Variants in UBE2W observed in about 807,000 individuals in gnomAD.
UBE2W encodes ubiquitin conjugating enzyme E2 W, also known as ubiquitin-conjugating enzyme E2 W.
A neutral mutation model predicts 27.2 loss-of-function variants in UBE2W; 18 were observed. That is an observed-to-expected ratio of 0.66 (90% CI 0.46 to 0.98). The LOEUF is 0.98. UBE2W is among the 50% of genes least tolerant of loss of function. The probability of loss-of-function intolerance (pLI) is 0.00; values close to 1 mark genes in which losing one functional copy is unlikely to be tolerated. For missense variants in UBE2W, 90 were observed against 180.2 expected (o/e 0.50, Z 2.87); for synonymous variants, 53 against 57.2 (o/e 0.93, Z 0.33).
intron 1 of UBE2W, among the ~76,000 whole-genome samples, chr8:73,851,449 C>G (rs1811076692): frequency 6.6e-6 from 1 of 152,078 alleles, no homozygotes; most frequent in Admixed American, 6.6e-5. Flanking sequence ...GGTGTTACTA[C>G]TCTACACAGG....
rs564423053 is a variant in UBE2W, at chr8:73,836,046, T to A, written c.16-5574A>T. On this transcript the variant is annotated intron_variant, in intron 1 of 5. Transcript: ENST00000602593. ...ATTCCTGACCCTCGGAACTGTGAAA[T>A]AACATTTGTTGTTTTAAATCGCTAA... Among the ~76,000 whole-genome samples, 7 of 152,318 alleles carry A rather than the reference T, an allele frequency of 4.6e-5. No individual in the cohort carries two copies. The East Asian group carries it at 1.4e-3, about 29-fold the overall frequency.
chr8:73,829,030 C>T (rs1049570483), intron 2 of UBE2W, among the ~76,000 whole-genome samples: 1 of 152,062 alleles, frequency 6.6e-6, no homozygotes, highest in Non-Finnish European at 1.5e-5. Context: ...TTTTATGGTT[C>T]ATTTACAATA....
rs1808873820 is a variant in UBE2W, at chr8:73,805,695, C to T, written c.398G>A (p.Arg133Gln). ...TTTCTTTGGATTCTTGTTACATGTT[C>T]GCACATAAAAAGAATTATCCGGTGG... ...RRPPDNSFYV[R>Q]TCNKNPKKTK... Residue 133 changes from arginine to glutamine, a missense_variant, in exon 5 of 6, where the codon CGA (arginine) becomes CAA (glutamine). Physicochemically the swap from Arg to Gln is conservative, Grantham distance 43. Transcript: ENST00000602593. 2.0e-6 allele frequency: 3 copies of T among 1,537,974 alleles called. No homozygotes were observed. Among genetic ancestry groups the T allele is most frequent in the East Asian group, 2.3e-5 (1 of 43,632 alleles).
At chr8:73,804,226 G>C (rs1031642557) in intron 5 of UBE2W, among the ~76,000 whole-genome samples, 5 of 151,202 alleles carry the variant, frequency 3.3e-5, no homozygotes, top group Non-Finnish European at 5.9e-5. Flanking sequence ...ACGGGGAGAA[G>C]GTCATAGTTC....
Position 73,791,252 on chromosome 8 carries a change from C to G in UBE2W, c.*2850G>C. ...TTCTCTCTAAACCTATGGCATTAATCCCTACTTGACCAAAGAAAAAAAAAA... is the reference window on the plus strand; with the variant it reads ...TTCTCTCTAAACCTATGGCATTAATGCCTACTTGACCAAAGAAAAAAAAAA... On this transcript the variant is annotated 3_prime_UTR_variant, in exon 6 of 6. Coordinates refer to ENST00000602593, the MANE Select transcript of UBE2W (RefSeq NM_018299.6). 2.0e-6 allele frequency: 2 copies of G among 981,086 alleles called. No homozygotes were observed. The highest frequency in any genetic ancestry group is 2.4e-6 in the Non-Finnish European group (2 of 829,294). 60.8% of individuals were successfully genotyped at this position (981,086 alleles called of 1,614,324 possible).
chr8:73,845,391 TA>T (rs1810751318), intron 1 of UBE2W, among the ~76,000 whole-genome samples: 1 of 152,238 alleles, frequency 6.6e-6, no homozygotes, highest in African/African-American at 2.4e-5. Context: ...GGGATGCTGT[TA>T]ATCTATAACC....
At chr8:73,870,419 G>A (rs1811957563) in intron 1 of UBE2W, 1 of 922,454 alleles carries the variant, frequency 1.1e-6, no homozygotes, top group Non-Finnish European at 1.6e-6. Context: ...AAAGCATCTA[G>A]TAGAGCTAGC....
intron 1 of UBE2W, among the ~76,000 whole-genome samples, chr8:73,848,048 A>C (rs1239022604): frequency 6.6e-6 from 1 of 151,558 alleles, no homozygotes; most frequent in Non-Finnish European, 1.5e-5. Context: ...CTAAAAATAC[A>C]CAATTAGCTG....
At chr8:73,782,251 GTGTT>G (rs1264736844), downstream of UBE2W, among the ~76,000 whole-genome samples, 1 of 151,212 alleles carries the variant, frequency 6.6e-6, no homozygotes, top group African/African-American at 2.4e-5. Flanking sequence ...CTGGCCAATT[GTGTT>G]TTTTTTTTAA....
At chr8:73,842,528 CAAAAAAA>C (rs759063478) in intron 1 of UBE2W, among the ~76,000 whole-genome samples, 10 of 9,674 alleles carry the variant, frequency 1.0e-3, no homozygotes, top group East Asian at 4.2e-3. Flanking sequence ...GACTCCGTCT[CAAAAAAA>C]AAAAAAAAAA....
intron 1 of UBE2W, among the ~76,000 whole-genome samples, chr8:73,835,040 T>G (rs747680882): frequency 2.6e-5 from 4 of 152,162 alleles, no homozygotes; most frequent in Non-Finnish European, 5.9e-5. Context: ...TGCAGAAATC[T>G]TCCAGATCTT....
intron 1 of UBE2W, among the ~76,000 whole-genome samples, chr8:73,873,933 T>C (rs956775664): frequency 1.3e-5 from 2 of 152,306 alleles, no homozygotes; most frequent in Admixed American, 1.3e-4. Context: ...TTCTAAGATC[T>C]TAAGACACAA....
At chr8:73,833,803 T>A (rs1489912883) in intron 1 of UBE2W, 6 of 152,204 alleles carry the variant, frequency 3.9e-5, no homozygotes, top group East Asian at 1.9e-4. Flanking sequence ...TTGCCCAAGC[T>A]GGAGTACACA....
rs555587353 is a variant in UBE2W, at chr8:73,790,916, G to GAT, written c.*3184_*3185dup. 362 of 981,464 alleles carry GAT rather than the reference G, an allele frequency of 3.7e-4. 1 individual carries two copies. In the Middle Eastern group the frequency reaches 6.3e-3, roughly 17 times the overall value. The allele number at this position is 981,464 out of a possible 1,614,324, so 60.8% of individuals were successfully genotyped here. A position where few individuals can be genotyped will look rare whatever the true frequency, so the allele number is the denominator to read the frequency against. ...TTATTATCCACCACAGGAATCTAAT[G>GAT]ATATATATATTTGCATATATTTAAA... On this transcript the variant is annotated 3_prime_UTR_variant, in exon 6 of 6. Coordinates refer to ENST00000602593, the MANE Select transcript of UBE2W (RefSeq NM_018299.6).
At chr8:73,875,507 T>C (rs1176632155) in intron 1 of UBE2W, among the ~76,000 whole-genome samples, 1 of 151,634 alleles carries the variant, frequency 6.6e-6, no homozygotes, top group Non-Finnish European at 1.5e-5. Flanking sequence ...TACCAAGTAA[T>C]GAAATCCCAT....
Position 73,789,842 on chromosome 8 carries a change from T to C in UBE2W, c.*4260A>G, listed in dbSNP as rs765403076. 13 of 822,968 alleles carry C rather than the reference T, an allele frequency of 1.6e-5. No homozygotes were observed. The highest frequency in any genetic ancestry group is 1.9e-5 in the Non-Finnish European group (13 of 682,376). The allele number at this position is 822,968 out of a possible 1,614,324, so 51.0% of individuals were successfully genotyped here. A position where few individuals can be genotyped will look rare whatever the true frequency, so the allele number is the denominator to read the frequency against. On this transcript the variant is annotated 3_prime_UTR_variant, in exon 6 of 6. Coordinates refer to ENST00000602593, the MANE Select transcript of UBE2W (RefSeq NM_018299.6). ...ACAGAGCAAGACTCCGTCTCAAAAA[T>C]AAATAAATAAATAAATAATAAAAAT...
chr8:73,841,128 G>A lies in UBE2W; in HGVS notation c.16-10656C>T, dbSNP rs538298101. 4.6e-5 allele frequency among the ~76,000 whole-genome samples: 7 copies of A among 152,144 alleles called. No individual in the cohort carries two copies. In the South Asian group the frequency reaches 1.0e-3, roughly 23 times the overall value. On this transcript the variant is annotated intron_variant, in intron 1 of 5. Coordinates refer to ENST00000602593, the MANE Select transcript of UBE2W (RefSeq NM_018299.6). ...AACTAAAGATGGAAAGTTAAAAATA[G>A]GAGGGTATGATGGAAAAAACAGAAA...
intron 3 of UBE2W, among the ~76,000 whole-genome samples, chr8:73,822,602 C>CAAAGAA (rs1809661927): frequency 2.0e-5 from 1 of 51,216 alleles, no homozygotes; most frequent in Admixed American, 3.9e-4. Flanking sequence ...CTTGCAACTG[C>CAAAGAA]AAAAAAAAAA....
At chr8:73,862,235 C>G (rs906878745) in intron 1 of UBE2W, among the ~76,000 whole-genome samples, 5 of 152,136 alleles carry the variant, frequency 3.3e-5, no homozygotes, top group Admixed American at 1.3e-4. Flanking sequence ...TTGAGACCAG[C>G]CTGGCCAACA....
Sources: allele counts gnomAD v4.1 joint callset (sites outside exome capture counted in the v4.1 genomes callset), GRCh38; gene constraint gnomAD v4.1.1; transcripts MANE v1.5; gene names NCBI Gene and HGNC (gene_info 2026-07-23, HGNC 2026-07-21).